Variants in CSMD1 observed in about 807,000 individuals in gnomAD.
CSMD1 encodes the protein CUB and sushi domain-containing protein 1.
In CSMD1, 213 loss-of-function variants were observed where a neutral mutation model predicts 417.5. The observed-to-expected ratio is 0.51, with a 90% confidence interval of 0.46 to 0.57. The LOEUF (loss-of-function observed/expected upper bound fraction) is 0.57, where lower values mean the gene tolerates loss of function less well. CSMD1 is among the 20% of genes least tolerant of loss of function. The pLI is 0.00. For synonymous variants in CSMD1, 2,862 were observed against 1,736.8 expected, an observed-to-expected ratio of 1.65 and a Z score of -16.11; for missense variants, 6,923 against 4,529.7, an observed-to-expected ratio of 1.53 and a Z score of -15.17.
chr8:3,344,975 G>T (rs73657821), intron 22 of CSMD1, among the ~76,000 whole-genome samples: 44 of 152,302 alleles, frequency 2.9e-4, no homozygotes, highest in African/African-American at 9.6e-4. Context: ...ACGAGCCGGG[G>T]TCTGACATCC....
At chr8:4,928,800 T>A (rs974458950) in intron 1 of CSMD1, among the ~76,000 whole-genome samples, 4 of 152,158 alleles carry the variant, frequency 2.6e-5, no homozygotes, top group African/African-American at 9.7e-5. Flanking sequence ...CCTTAGGTGC[T>A]GGCTCACTCC....
intron 3 of CSMD1, among the ~76,000 whole-genome samples, chr8:4,323,104 T>G (rs1799360434): frequency 6.6e-6 from 1 of 152,196 alleles, no homozygotes; most frequent in Admixed American, 6.5e-5. Flanking sequence ...ATCATATGAT[T>G]TTAATGAGAC....
intron 1 of CSMD1, among the ~76,000 whole-genome samples, chr8:4,911,642 T>G (rs1409900598): frequency 1.3e-5 from 2 of 152,194 alleles, no homozygotes; most frequent in East Asian, 3.8e-4. Flanking sequence ...TTCATATAAT[T>G]TACACACTAA....
intron 3 of CSMD1, among the ~76,000 whole-genome samples, chr8:4,179,517 G>A (rs1229009289): frequency 6.7e-6 from 1 of 150,228 alleles, no homozygotes; most frequent in East Asian, 2.0e-4. Flanking sequence ...CGTAGGCATG[G>A]GCAAAGACTT....
At chr8:4,397,602 T>C (rs1204540294) in intron 3 of CSMD1, among the ~76,000 whole-genome samples, 1 of 146,582 alleles carries the variant, frequency 6.8e-6, no homozygotes, top group Non-Finnish European at 1.5e-5. Context: ...CACCTGAGAT[T>C]CACTTTTATT....
At chr8:4,181,969 T>G (rs1400636140) in intron 3 of CSMD1, among the ~76,000 whole-genome samples, 1 of 150,950 alleles carries the variant, frequency 6.6e-6, no homozygotes, top group African/African-American at 2.4e-5. Context: ...TGTGTGTGTG[T>G]GTGTGATGTG....
At chr8:4,226,175 G>C (rs1443298395) in intron 3 of CSMD1, among the ~76,000 whole-genome samples, 1 of 151,518 alleles carries the variant, frequency 6.6e-6, no homozygotes, top group African/African-American at 2.4e-5. Flanking sequence ...CTTACTCTTA[G>C]CAACTTAAAG....
chr8:4,440,308 A>T (rs1476905961), intron 2 of CSMD1, among the ~76,000 whole-genome samples: 4 of 152,220 alleles, frequency 2.6e-5, no homozygotes, highest in African/African-American at 9.6e-5. Flanking sequence ...AAATGGAATC[A>T]GCTGGAAAGT....
At chr8:3,904,546 G>A (rs879462834) in intron 5 of CSMD1, among the ~76,000 whole-genome samples, 2 of 151,884 alleles carry the variant, frequency 1.3e-5, no homozygotes, top group South Asian at 2.1e-4. Context: ...CAAAGCTGTT[G>A]TATGTGAAAC....
chr8:3,050,233 G>C (rs1179027170), intron 50 of CSMD1, among the ~76,000 whole-genome samples: 1 of 152,080 alleles, frequency 6.6e-6, no homozygotes, highest in East Asian at 1.9e-4. Flanking sequence ...ATACCCAGTA[G>C]AGAACCACTG....
intron 2 of CSMD1, among the ~76,000 whole-genome samples, chr8:4,626,962 G>A (rs147614388): frequency 2.6e-5 from 4 of 152,092 alleles, no homozygotes; most frequent in Non-Finnish European, 4.4e-5. Flanking sequence ...AAAGGGATAC[G>A]TAAGTAGGTG....
chr8:3,085,612 A>C (rs1478864012), intron 49 of CSMD1, among the ~76,000 whole-genome samples: 1 of 152,182 alleles, frequency 6.6e-6, no homozygotes, highest in Non-Finnish European at 1.5e-5. Flanking sequence ...TGCAGTGTGC[A>C]CTATTTGTAT....
intron 1 of CSMD1, among the ~76,000 whole-genome samples, chr8:4,849,242 T>C (rs1227084206): frequency 2.0e-5 from 3 of 152,162 alleles, no homozygotes; most frequent in Non-Finnish European, 4.4e-5. Flanking sequence ...AAAGAAAATA[T>C]TATTGTACAC....
chr8:4,269,945 G>A (rs867669300), intron 3 of CSMD1, among the ~76,000 whole-genome samples: 7 of 152,160 alleles, frequency 4.6e-5, no homozygotes, highest in Non-Finnish European at 8.8e-5. Flanking sequence ...ACAGTTGGGG[G>A]AAACCACGAC....
intron 3 of CSMD1, among the ~76,000 whole-genome samples, chr8:4,071,720 C>G (rs1799568144): frequency 6.6e-6 from 1 of 152,212 alleles, no homozygotes; most frequent in East Asian, 1.9e-4. Context: ...CTCTGTTATG[C>G]TCCTCCAAAA....
At chr8:3,173,637 A>G (rs1050539230) in intron 37 of CSMD1, among the ~76,000 whole-genome samples, 19 of 152,310 alleles carry the variant, frequency 1.2e-4, no homozygotes, top group African/African-American at 4.3e-4. Flanking sequence ...GCTGGTTTAT[A>G]TGGTCCTTCC....
At chr8:3,690,767 AAGAT>A (rs1419011561) in intron 7 of CSMD1, among the ~76,000 whole-genome samples, 1 of 152,226 alleles carries the variant, frequency 6.6e-6, no homozygotes. Flanking sequence ...TTACTTTTAT[AAGAT>A]AAAGTTTAAT....
intron 2 of CSMD1, among the ~76,000 whole-genome samples, chr8:4,429,204 C>A (rs1358495264): frequency 6.6e-6 from 1 of 151,382 alleles, no homozygotes; most frequent in Non-Finnish European, 1.5e-5. Flanking sequence ...AAGGATCATG[C>A]CTGCCTTACA....
intron 52 of CSMD1, 86 bp downstream of exon 52, chr8:3,018,391 G>C (rs976646726): frequency 1.6e-6 from 2 of 1,267,814 alleles, no homozygotes; most frequent in Non-Finnish European, 2.2e-6. Context: ...AGGCATTATA[G>C]CAAGAAGTCA....
Sources: allele counts gnomAD v4.1 joint callset (sites outside exome capture counted in the v4.1 genomes callset), GRCh38; gene constraint gnomAD v4.1.1; transcripts MANE v1.5; gene names NCBI Gene and HGNC (gene_info 2026-07-23, HGNC 2026-07-21).